DLG2: variants seen among roughly 807,000 people sequenced by gnomAD.
DLG2 encodes the protein discs large MAGUK scaffold protein 2.
DLG2 carries 45 observed loss-of-function variants against 132.5 expected under a neutral mutation model. The ratio of observed to expected loss-of-function variants is 0.34; its 90% CI spans 0.27 to 0.44. The LOEUF is 0.44. Ranked by LOEUF, DLG2 falls within the 20% of genes least tolerant of loss-of-function variation. The probability of loss-of-function intolerance (pLI) is 1.00; values close to 1 mark genes in which losing one functional copy is unlikely to be tolerated. For synonymous variants in DLG2, 424 were observed against 419.6 expected (o/e 1.01, Z -0.13); for missense variants, 1,045 against 1,196.9 (o/e 0.87, Z 1.87).
chr11:85,230,457 A>AAT (rs1334287143), intron 4 of DLG2, among the ~76,000 whole-genome samples: 2 of 151,648 alleles, frequency 1.3e-5, no homozygotes, highest in Non-Finnish European at 2.9e-5. Flanking sequence ...ATAGTGTATA[A>AAT]ATATATATTT....
intron 20 of DLG2, among the ~76,000 whole-genome samples, chr11:83,539,400 T>C (rs1488675328): frequency 4.6e-5 from 7 of 152,110 alleles, no homozygotes; most frequent in Admixed American, 1.3e-4. Flanking sequence ...AGAAAGAAAT[T>C]AATGATTGAA....
intron 6 of DLG2, among the ~76,000 whole-genome samples, chr11:84,753,629 T>C (rs921589121): frequency 6.6e-6 from 1 of 152,214 alleles, no homozygotes; most frequent in Non-Finnish European, 1.5e-5. Context: ...AATAGTTATG[T>C]ATTCACATAG....
At chr11:85,612,369 T>C (rs181987765) in intron 2 of DLG2, among the ~76,000 whole-genome samples, 9 of 152,356 alleles carry the variant, frequency 5.9e-5, no homozygotes, top group African/African-American at 1.7e-4. Flanking sequence ...GGATGATAGA[T>C]GGTTCCTCCC....
intron 3 of DLG2, among the ~76,000 whole-genome samples, chr11:85,573,020 TAA>T (rs2077938049): frequency 6.6e-6 from 1 of 152,168 alleles, no homozygotes; most frequent in Non-Finnish European, 1.5e-5. Context: ...CCTGATCATT[TAA>T]AAGTGTGTGG....
intron 6 of DLG2, among the ~76,000 whole-genome samples, chr11:84,692,243 A>T (rs78122464): frequency 0.013 from 1,909 of 151,916 alleles, 43 homozygotes; most frequent in African/African-American, 0.043. Context: ...CTGCTCTTTA[A>T]AACAAGCTTT....
intron 7 of DLG2, among the ~76,000 whole-genome samples, chr11:84,521,469 T>C (rs1193990854): frequency 6.6e-6 from 1 of 152,240 alleles, no homozygotes; most frequent in Admixed American, 6.5e-5. Flanking sequence ...AGTTGCTTTA[T>C]TTGTAAAATT....
At chr11:83,986,641 T>A (rs888705838) in intron 11 of DLG2, among the ~76,000 whole-genome samples, 2 of 151,986 alleles carry the variant, frequency 1.3e-5, no homozygotes, top group African/African-American at 4.8e-5. Flanking sequence ...CCACACTGAC[T>A]TCCACAATGG....
At chr11:84,865,152 C>G (rs1233802084) in intron 6 of DLG2, among the ~76,000 whole-genome samples, 1 of 152,096 alleles carries the variant, frequency 6.6e-6, no homozygotes, top group African/African-American at 2.4e-5. Flanking sequence ...AATTGTCCAG[C>G]CCAAACAGAG....
intron 18 of DLG2, among the ~76,000 whole-genome samples, chr11:83,759,347 A>G (rs1593813326): frequency 1.3e-5 from 2 of 152,178 alleles, no homozygotes; most frequent in East Asian, 3.9e-4. Flanking sequence ...ATGAGCATAG[A>G]ATTGTGGTTG....
intron 6 of DLG2, among the ~76,000 whole-genome samples, chr11:85,004,552 C>T (rs183798348): frequency 1.2e-3 from 178 of 152,176 alleles, no homozygotes; most frequent in African/African-American, 2.2e-3. Flanking sequence ...CCTTTGCCTA[C>T]GTTTTGATGC....
intron 3 of DLG2, among the ~76,000 whole-genome samples, chr11:85,493,962 A>C (rs528988118): frequency 3.3e-5 from 5 of 152,196 alleles, no homozygotes; most frequent in Admixed American, 3.3e-4. Flanking sequence ...GGGCTGCTCT[A>C]TATTTCCAAG....
intron 6 of DLG2, among the ~76,000 whole-genome samples, chr11:85,097,832 G>T (rs545494474): frequency 2.0e-5 from 3 of 152,322 alleles, no homozygotes; most frequent in Admixed American, 2.0e-4. Flanking sequence ...GATTTTGGAG[G>T]AGGAAAGTGG....
chr11:84,732,466 T>C (rs1232025545), intron 6 of DLG2, among the ~76,000 whole-genome samples: 1 of 152,058 alleles, frequency 6.6e-6, no homozygotes. Flanking sequence ...TTCTAATAGA[T>C]GTGTAATAGT....
chr11:84,561,714 G>T (rs2099429086), intron 6 of DLG2, among the ~76,000 whole-genome samples: 1 of 152,066 alleles, frequency 6.6e-6, no homozygotes, highest in Admixed American at 6.6e-5. Context: ...ACACAAATGG[G>T]AAAATAAGGA....
At chr11:84,974,607 G>C (rs1009949293) in intron 6 of DLG2, among the ~76,000 whole-genome samples, 2 of 152,172 alleles carry the variant, frequency 1.3e-5, no homozygotes, top group Admixed American at 6.5e-5. Flanking sequence ...GTCTTCAGTT[G>C]ATTTTATTGT....
At chr11:83,748,995 A>G (rs999005678) in intron 18 of DLG2, among the ~76,000 whole-genome samples, 1 of 152,214 alleles carries the variant, frequency 6.6e-6, no homozygotes, top group Non-Finnish European at 1.5e-5. Flanking sequence ...AAAATTCTAC[A>G]TAGATTTTGG....
At chr11:84,106,875 G>GAGAGAC in intron 9 of DLG2, among the ~76,000 whole-genome samples, 1 of 148,974 alleles carries the variant, frequency 6.7e-6, no homozygotes, top group African/African-American at 2.5e-5. Flanking sequence ...GTGTGAGAGA[G>GAGAGAC]AGAGAGAGAG....
At chr11:85,082,531 A>G (rs1488943597) in intron 6 of DLG2, among the ~76,000 whole-genome samples, 1 of 152,096 alleles carries the variant, frequency 6.6e-6, no homozygotes, top group African/African-American at 2.4e-5. Context: ...AGAAGACCCT[A>G]AAAAGAGGTA....
At chr11:85,530,720 G>C (rs2075146640) in intron 3 of DLG2, among the ~76,000 whole-genome samples, 1 of 152,194 alleles carries the variant, frequency 6.6e-6, no homozygotes, top group Non-Finnish European at 1.5e-5. Flanking sequence ...AATAAGGTTT[G>C]CTTTGGTTCT....
Sources: allele counts gnomAD v4.1 joint callset (sites outside exome capture counted in the v4.1 genomes callset), GRCh38; gene constraint gnomAD v4.1.1; transcripts MANE v1.5; gene names NCBI Gene and HGNC (gene_info 2026-07-23, HGNC 2026-07-21).